Variants in FUT8 observed in about 807,000 individuals in gnomAD.
FUT8 encodes the protein fucosyltransferase 8.
A neutral mutation model predicts 71.3 loss-of-function variants in FUT8; 29 were observed. The observed-to-expected ratio is 0.41, with a 90% CI of 0.30 to 0.55. The LOEUF (loss-of-function observed/expected upper bound fraction) is 0.55, where lower values mean the gene tolerates loss of function less well. Among genes scored for constraint, FUT8 ranks in the 20% least tolerant of loss-of-function variants. The pLI, the probability that FUT8 is intolerant of heterozygous loss-of-function variation, is 0.34. For missense variants in FUT8, 544 were observed against 702.1 expected, an observed-to-expected ratio of 0.77 and a Z score of 2.55; for synonymous variants, 254 against 239.3, an observed-to-expected ratio of 1.06 and a Z score of -0.57.
At position 65,475,890 on chromosome 14, in the gene FUT8, T is replaced by G. The variant is rs568661740; in HGVS notation, c.-228+20172T>G. Among the ~76,000 whole-genome samples, 3 of 152,192 alleles carry G rather than the reference T, an allele frequency of 2.0e-5. No homozygotes were observed. In the East Asian group the frequency reaches 5.8e-4, roughly 29 times the overall value. On this transcript the variant is annotated intron_variant, in intron 2 of 10. Transcript: ENST00000673929. ...GGGTGAGGTGGCAACCTCTGGAATT[T>G]GAGGCCTGCTACTGGGATTGTAGGT...
chr14:65,421,426 A>G (rs968498299), intron 1 of FUT8, among the ~76,000 whole-genome samples: 6 of 152,218 alleles, frequency 3.9e-5, no homozygotes, highest in African/African-American at 1.4e-4. Context: ...GCAATACGTC[A>G]TACTTCTGCC....
chr14:65,700,540 G>A (rs1194052834), intron 7 of FUT8, among the ~76,000 whole-genome samples: 5 of 151,476 alleles, frequency 3.3e-5, no homozygotes, highest in Non-Finnish European at 4.4e-5. Flanking sequence ...ACAGGCACCC[G>A]CCACCACACC....
intron 2 of FUT8, among the ~76,000 whole-genome samples, chr14:65,464,828 G>A (rs760387277): frequency 6.6e-6 from 1 of 152,080 alleles, no homozygotes; most frequent in Non-Finnish European, 1.5e-5. Flanking sequence ...GCTTATGATC[G>A]GGGTAATGTT....
At chr14:65,594,577 A>G (rs1224337638) in intron 3 of FUT8, among the ~76,000 whole-genome samples, 1 of 152,164 alleles carries the variant, frequency 6.6e-6, no homozygotes, top group Non-Finnish European at 1.5e-5. Flanking sequence ...GGGTACCGGC[A>G]TGTGGTACAT....
At chr14:65,417,304 C>T (rs1161224608) in intron 1 of FUT8, among the ~76,000 whole-genome samples, 1 of 86,734 alleles carries the variant, frequency 1.2e-5, no homozygotes, top group African/African-American at 4.4e-5. Flanking sequence ...ACATTCTAAT[C>T]TCCTGGCATT....
At chr14:65,553,437 A>G (rs760645088) in intron 2 of FUT8, among the ~76,000 whole-genome samples, 5 of 152,040 alleles carry the variant, frequency 3.3e-5, no homozygotes, top group Non-Finnish European at 5.9e-5. Flanking sequence ...ACAGCTTTTT[A>G]TCTTTTAATG....
intron 3 of FUT8, among the ~76,000 whole-genome samples, 195 bp downstream of exon 3, chr14:65,561,961 A>G (rs993742919): frequency 2.6e-5 from 4 of 152,122 alleles, no homozygotes; most frequent in African/African-American, 9.7e-5. Context: ...CATGGGCCAC[A>G]GGTGACCCAG....
chr14:65,587,541 A>T (rs1887459240), intron 3 of FUT8, among the ~76,000 whole-genome samples: 1 of 152,232 alleles, frequency 6.6e-6, no homozygotes, highest in Non-Finnish European at 1.5e-5. Flanking sequence ...GAAAAATTTT[A>T]CCAAGACAAA....
At position 65,627,053 on chromosome 14, in the gene FUT8, C is replaced by T. The variant is rs1203926277; in HGVS notation, c.483-2439C>T. ...TTTCTTTTGCTACTTTTTCATTCAT[C>T]TAAAGATATTTATCGAATATTTTGT... On this transcript the variant is annotated intron_variant, in intron 5 of 10. Coordinates refer to ENST00000673929, the MANE Select transcript of FUT8 (RefSeq NM_001371533.1). This position sits in a 1 kb window ranked among gnomAD's most constrained non-coding sequence, Gnocchi z 4.0. Among the ~76,000 whole-genome samples, 1 of 151,990 alleles carries T rather than the reference C, an allele frequency of 6.6e-6. No homozygotes were observed. Among genetic ancestry groups the T allele is most frequent in the Non-Finnish European group, 1.5e-5 (1 of 68,004 alleles).
intron 2 of FUT8, among the ~76,000 whole-genome samples, chr14:65,514,139 T>C (rs1882544898): frequency 6.6e-6 from 1 of 152,234 alleles, no homozygotes; most frequent in African/African-American, 2.4e-5. Flanking sequence ...CCTCCTGTCC[T>C]ATCAGTGCTG....
intron 1 of FUT8, among the ~76,000 whole-genome samples, chr14:65,418,012 C>T (rs2065242784): frequency 6.6e-6 from 1 of 152,000 alleles, no homozygotes; most frequent in Non-Finnish European, 1.5e-5. Context: ...AATAATAAAA[C>T]ATTGATAATA....
At chr14:65,704,838 AACTC>A (rs1894479291) in intron 7 of FUT8, among the ~76,000 whole-genome samples, 1 of 152,174 alleles carries the variant, frequency 6.6e-6, no homozygotes, top group Admixed American at 6.5e-5. Context: ...TGAACTGCAT[AACTC>A]ACTAAGATAT....
Position 65,721,968 on chromosome 14 carries a change from A to G in FUT8, c.1029A>G (p.Glu343=). 6.2e-7 allele frequency: 1 copy of G among 1,614,220 alleles called. No individual in the cohort carries two copies. The highest frequency in any genetic ancestry group is 8.5e-7 in the Non-Finnish European group (1 of 1,180,038). The change falls in exon 8 of 11, where the codon GAA becomes GAG. Residue 343 remains glutamate (E), a synonymous_variant. Coordinates refer to ENST00000673929, the MANE Select transcript of FUT8 (RefSeq NM_001371533.1). The part of the protein sequence containing the change: ...KYLIRPQPWL[E]KEIEEATKKL... ...TGATCCGCCCACAGCCTTGGCTAGA[A>G]AAAGAAATAGAAGAAGCCACCAAGA...
chr14:65,467,515 C>T lies in FUT8; in HGVS notation c.-228+11797C>T, dbSNP rs1029487226. ...TTTTTGAGACAGAGTCTCACACTGT[C>T]GCCCGGGCTGGAGTGCAGTGGTGTG... On this transcript the variant is annotated intron_variant, in intron 2 of 10. Coordinates refer to ENST00000673929, the MANE Select transcript of FUT8 (RefSeq NM_001371533.1). The surrounding 1 kb of genome is among the most constrained non-coding windows in gnomAD (Gnocchi z 4.1). Among the ~76,000 whole-genome samples the T allele has an allele frequency of 1.9e-4, 28 of 150,520 alleles. No homozygotes were observed. Among genetic ancestry groups the T allele is most frequent in the East Asian group, 5.9e-4 (3 of 5,124 alleles).
intron 3 of FUT8, 42 bp from the exon 4 acceptor site, chr14:65,615,936 G>C (rs1169196511): frequency 7.1e-7 from 1 of 1,400,710 alleles, no homozygotes; most frequent in Non-Finnish European, 1.0e-6. Flanking sequence ...TTGTTGCACA[G>C]TTTGAAAGCT....
At chr14:65,624,171 A>G (rs1269092514) in intron 5 of FUT8, among the ~76,000 whole-genome samples, 1 of 152,252 alleles carries the variant, frequency 6.6e-6, no homozygotes, top group Non-Finnish European at 1.5e-5. Flanking sequence ...GGTCTCCAAC[A>G]GAGAGGCCGA....
the FUT8 span, among the ~76,000 whole-genome samples, chr14:65,381,064 T>A: frequency 6.6e-6 from 1 of 152,192 alleles, no homozygotes; most frequent in South Asian, 2.1e-4. Context: ...GAATCTAAAG[T>A]TATATTTTTT....
chr14:65,422,004 TG>T (rs946213509), intron 1 of FUT8, among the ~76,000 whole-genome samples: 21 of 152,138 alleles, frequency 1.4e-4, no homozygotes, highest in African/African-American at 4.8e-4. Context: ...TGTAGTGTAC[TG>T]TGTCCAGTGA....
At chr14:65,498,615 C>A (rs570512591) in intron 2 of FUT8, among the ~76,000 whole-genome samples, 2 of 152,232 alleles carry the variant, frequency 1.3e-5, no homozygotes, top group East Asian at 3.9e-4. Flanking sequence ...AATCTATCTG[C>A]CAGTACAACA....
Sources: allele counts gnomAD v4.1 joint callset (sites outside exome capture counted in the v4.1 genomes callset), GRCh38; gene constraint gnomAD v4.1.1; non-coding constraint Gnocchi (gnomAD v3.1); transcripts MANE v1.5; gene names NCBI Gene and HGNC (gene_info 2026-07-23, HGNC 2026-07-21).